The following VSIG1 variants were observed in gnomAD, a reference collection of about 807,000 sequenced individuals.
The protein encoded by VSIG1 is V-set and immunoglobulin domain containing 1.
In VSIG1, 11 loss-of-function variants were observed where a neutral mutation model predicts 20.1. The observed-to-expected ratio is 0.55, with a 90% CI of 0.34 to 0.91. The LOEUF (loss-of-function observed/expected upper bound fraction) is 0.91, where lower values mean the gene tolerates loss of function less well. Among genes scored for constraint, VSIG1 ranks in the 40% least tolerant of loss-of-function variants. VSIG1 has a pLI of 0.02. For synonymous variants in VSIG1, 126 were observed against 116.7 expected, an observed-to-expected ratio of 1.08 and a Z score of -0.52; for missense variants, 283 against 298.8, an observed-to-expected ratio of 0.95 and a Z score of 0.39.
chrX:108,034,217 G>A, the VSIG1 span, among the ~76,000 whole-genome samples: 1 of 111,375 alleles, frequency 9.0e-6, no homozygotes, highest in East Asian at 2.8e-4. Context: ...ATCCTGGCTG[G>A]GAGAGGAGGA....
chrX:108,047,975 T>TATACAC lies in VSIG1; in HGVS notation c.49+2799_49+2800insCACATA, dbSNP rs2030689565. Among the ~76,000 whole-genome samples, 2 of 57,112 alleles carry TATACAC rather than the reference T, an allele frequency of 3.5e-5. 1 individual carries two copies. Among genetic ancestry groups the TATACAC allele is most frequent in the Non-Finnish European group, 6.2e-5 (2 of 32,407 alleles). The allele number at this position is 57,112 out of a possible 115,157, so 49.6% of individuals were successfully genotyped here. ...ATATACACACACATATATATATATA[T>TATACAC]ATATATATATATATATATATATATA... On this transcript the variant is annotated intron_variant, in intron 1 of 6. Coordinates refer to ENST00000217957, the MANE Select transcript of VSIG1 (RefSeq NM_182607.5).
intron 1 of VSIG1, among the ~76,000 whole-genome samples, chrX:108,052,702 C>T (rs181249157): frequency 1.8e-5 from 2 of 111,461 alleles, no homozygotes; most frequent in Non-Finnish European, 3.8e-5. Context: ...TGTAATTATT[C>T]CACAGTGTAT....
At chrX:108,039,643 C>T in the VSIG1 span, among the ~76,000 whole-genome samples, 2 of 111,052 alleles carry the variant, frequency 1.8e-5, no homozygotes, top group African/African-American at 6.6e-5. Flanking sequence ...AAGGTGGAAG[C>T]AGGAAGACCA....
At chrX:108,047,925 T>TATATATATACACACAC (rs2030661468) in intron 1 of VSIG1, among the ~76,000 whole-genome samples, 3 of 64,790 alleles carry the variant, frequency 4.6e-5, no homozygotes, top group African/African-American at 7.4e-5. Flanking sequence ...TATACACATA[T>TATATATATACACACAC]ATATATATAC....
At position 108,076,091 on chromosome X, in the gene VSIG1, A is replaced by G. The variant is rs774774231; in HGVS notation, c.703A>G (p.Ile235Val). 1.3e-5 allele frequency: 16 copies of G among 1,211,308 alleles called. No individual in the cohort carries two copies. The highest frequency in any genetic ancestry group is 1.7e-5 in the Non-Finnish European group (15 of 895,214). The change falls in exon 6 of 7, where the codon ATC (isoleucine) becomes GTC (valine). Residue 235 changes from isoleucine (I) to valine (V), a missense_variant. By Grantham distance (29) the Ile-to-Val change is conservative. Transcript: ENST00000217957. Reference protein sequence around the residue: ...DLTSSHPEVGIIVGALIGSLV... With the variant: ...DLTSSHPEVGVIVGALIGSLV... The stretch of plus-strand genomic sequence containing the variant: ...GTATCCTTCAGATCCAGAAGTTGGA[A>G]TCATTGTTGGGGCCTTGATTGGTAG...
the VSIG1 span, among the ~76,000 whole-genome samples, chrX:108,036,033 G>C: frequency 1.0e-5 from 1 of 99,526 alleles, no homozygotes; most frequent in African/African-American, 3.7e-5. Context: ...CAATGCATAA[G>C]AAATGCTTCA....
At chrX:108,023,430 CT>C in the VSIG1 span, among the ~76,000 whole-genome samples, 1 of 111,889 alleles carries the variant, frequency 8.9e-6, no homozygotes, top group Non-Finnish European at 1.9e-5. Context: ...ATGTCTTTGA[CT>C]TTGATATCAG....
At chrX:108,056,994 C>A (rs2030913764) in intron 1 of VSIG1, among the ~76,000 whole-genome samples, 1 of 112,072 alleles carries the variant, frequency 8.9e-6, no homozygotes, top group African/African-American at 3.2e-5. Context: ...GCCCAGATGT[C>A]CTTAAATGGA....
chrX:108,071,084 G>C (rs1442826225), intron 3 of VSIG1, among the ~76,000 whole-genome samples: 1 of 111,651 alleles, frequency 9.0e-6, no homozygotes, highest in African/African-American at 3.3e-5. Context: ...GCTGAGGTTT[G>C]GCTAAGTTAG....
chrX:108,048,027 G>A (rs1364884440), intron 1 of VSIG1, among the ~76,000 whole-genome samples: 12 of 70,841 alleles, frequency 1.7e-4, no homozygotes, highest in Non-Finnish European at 1.8e-4. Context: ...CTTTTGAGAC[G>A]AAGTTAAGTC....
chrX:108,049,337 A>G (rs1220871599), intron 1 of VSIG1, among the ~76,000 whole-genome samples: 1 of 112,108 alleles, frequency 8.9e-6, no homozygotes. Flanking sequence ...CTCTATTCTC[A>G]TCTGTGCTAT....
In VSIG1 at chrX:108,070,531, G is replaced by T. The variant is rs764466418; in HGVS notation, c.413-2146G>T. Among the ~76,000 whole-genome samples the T allele has an allele frequency of 1.0e-3, 116 of 112,536 alleles. 1 individual carries two copies. The highest frequency in any genetic ancestry group is 3.7e-3 in the African/African-American group (114 of 31,028). The stretch of plus-strand genomic sequence containing the variant: ...AAGAAATGAGTGCAAGTCATTCCAG[G>T]TTTTTGCCATAATTTAGTTCAAGTC... On this transcript the variant is annotated intron_variant, in intron 3 of 6. Transcript: ENST00000217957.
chrX:108,039,140 C>T, the VSIG1 span, among the ~76,000 whole-genome samples: 1 of 111,244 alleles, frequency 9.0e-6, no homozygotes, highest in Admixed American at 9.6e-5. Context: ...TAGGATACTT[C>T]ACACATGGGC....
intron 1 of VSIG1, among the ~76,000 whole-genome samples, chrX:108,056,558 T>C (rs891961114): frequency 2.7e-5 from 3 of 112,362 alleles, no homozygotes; most frequent in African/African-American, 9.7e-5. Context: ...AACAATCCAA[T>C]TAGAAAATGA....
intron 1 of VSIG1, among the ~76,000 whole-genome samples, chrX:108,047,799 TATATATATACATATATATATAC>T (rs1555980245): frequency 2.9e-5 from 2 of 68,561 alleles, no homozygotes; most frequent in African/African-American, 1.2e-4. Flanking sequence ...TCTATATATA[TATATATATACATATATATATAC>T]ATATATATAC....
intron 1 of VSIG1, among the ~76,000 whole-genome samples, chrX:108,053,151 A>T (rs954116317): frequency 8.9e-6 from 1 of 112,286 alleles, no homozygotes; most frequent in African/African-American, 3.2e-5. Context: ...AAATAGCTAA[A>T]GGGATTTCTT....
intron 3 of VSIG1, among the ~76,000 whole-genome samples, chrX:108,069,147 A>G (rs1168768306): frequency 9.0e-6 from 1 of 111,261 alleles, no homozygotes; most frequent in African/African-American, 3.3e-5. Context: ...GTTAGACAAG[A>G]AGGTTAATAT....
intron 1 of VSIG1, among the ~76,000 whole-genome samples, chrX:108,049,909 C>G (rs1416309041): frequency 8.9e-6 from 1 of 112,082 alleles, no homozygotes; most frequent in East Asian, 2.8e-4. Context: ...TTTCTGAAAG[C>G]CAATTTCCTT....
the VSIG1 span, among the ~76,000 whole-genome samples, chrX:108,028,812 A>G: frequency 1.8e-5 from 2 of 111,733 alleles, no homozygotes; most frequent in Non-Finnish European, 3.8e-5. Flanking sequence ...GAGGAAGTGA[A>G]TATGTTTAAC....
Sources: allele counts gnomAD v4.1 joint callset (sites outside exome capture counted in the v4.1 genomes callset), GRCh38; gene constraint gnomAD v4.1.1; transcripts MANE v1.5; gene names NCBI Gene and HGNC (gene_info 2026-07-23, HGNC 2026-07-21).